Variants in TTC22 observed in about 807,000 individuals in gnomAD.
The protein encoded by TTC22 is tetratricopeptide repeat protein 22.
Under a neutral mutation model 48.2 loss-of-function variants are expected in TTC22, and 42 were observed. The observed-to-expected ratio is 0.87, with a 90% CI of 0.68 to 1.13. TTC22 has a LOEUF of 1.13. Among genes scored for constraint, TTC22 ranks in the 50% most tolerant of loss-of-function variants. TTC22 has a pLI of 0.00. For missense variants in TTC22, 784 were observed against 807.0 expected (o/e 0.97, Z 0.34); for synonymous variants, 345 against 365.5 (o/e 0.94, Z 0.64).
At chr1:54,787,530 G>A in intron 3 of TTC22, 181 bp downstream of exon 3, 1 of 615,914 alleles carries the variant, frequency 1.6e-6, no homozygotes, top group Non-Finnish European at 2.9e-6. Flanking sequence ...CTTGTAGTTG[G>A]CATGTTCACT....
At chr1:54,784,851 G>A (rs1646288264) in intron 5 of TTC22, 14 of 1,286,858 alleles carry the variant, frequency 1.1e-5, no homozygotes, top group Non-Finnish European at 1.4e-5. Context: ...GGCTCTAGGA[G>A]GCAGGTCTGG....
At chr1:54,788,725 TC>T (rs936379253) in intron 1 of TTC22, among the ~76,000 whole-genome samples, 25 of 152,152 alleles carry the variant, frequency 1.6e-4, no homozygotes, top group African/African-American at 6.0e-4. Context: ...CACATTCATC[TC>T]CCGTCCCTGA....
At chr1:54,786,646 A>G in intron 4 of TTC22, 1 of 306,078 alleles carries the variant, frequency 3.3e-6, no homozygotes, top group Non-Finnish European at 6.0e-6. Flanking sequence ...CCATCTTTCT[A>G]CTATGCCACT....
At position 54,782,435 on chromosome 1, in the gene TTC22, T is replaced by C. The variant is rs933227329; in HGVS notation, c.1063A>G (p.Met355Val). Residue 355 changes from methionine (M) to valine (V), a missense_variant, in exon 6 of 7, where the codon ATG becomes GTG. Met to Val is a conservative substitution (Grantham distance 21). Coordinates refer to ENST00000371276, the MANE Select transcript of TTC22 (RefSeq NM_001114108.2). Reference protein sequence around the residue: ...AYLHDLKRAKMGLGGMPDRNH... With the variant: ...AYLHDLKRAKVGLGGMPDRNH... ...CTGTCAGGCATGCCCCCGAGACCCA[T>C]CTTGGCCCGCTTGAGGTCATGCAGG... 26 of 1,551,166 alleles carry C rather than the reference T, an allele frequency of 1.7e-5. No homozygotes were observed. The highest frequency in any genetic ancestry group is 1.4e-4 in the Admixed American group (7 of 50,950).
In TTC22 at chr1:54,786,024, C is replaced by G. The variant is rs1183646903; in HGVS notation, c.979G>C (p.Asp327His). The G allele has an allele frequency of 1.2e-6, 2 of 1,614,068 alleles. No individual in the cohort carries two copies. The highest frequency in any genetic ancestry group is 1.7e-6 in the Non-Finnish European group (2 of 1,179,950). The change falls in exon 5 of 7, where the codon GAT (aspartate) becomes CAT (histidine). Residue 327 changes from aspartate to histidine, a missense_variant. Asp to His is a moderately conservative substitution (Grantham distance 81). Transcript: ENST00000371276. The part of the protein sequence containing the change: ...TCNMALDVLR[D>H]PELNWQAYCT... ...TACGCCTGCCAGTTGAGTTCTGGAT[C>G]TCGTAGGACATCCAGGGCCATGTTG...
intron 5 of TTC22, chr1:54,784,813 G>T: frequency 7.7e-7 from 1 of 1,299,890 alleles, no homozygotes; most frequent in Non-Finnish European, 1.0e-6. Flanking sequence ...CTCCGAGTCG[G>T]CTTCCTCAAG....
At position 54,801,058 on chromosome 1, in the gene TTC22, G is replaced by C. The variant is rs1646433702; in HGVS notation, c.106C>G (p.Arg36Gly). Residue 36 changes from arginine (R) to glycine (G), a missense_variant, in exon 1 of 7, where the codon CGC becomes GGC. Coordinates refer to ENST00000371276, the MANE Select transcript of TTC22 (RefSeq NM_001114108.2). The stretch of plus-strand genomic sequence containing the variant: ...CGGGCGCGCTGTGGGGCCGGCGAGC[G>C]CGGCTCGAAGTTCAACTGCATCTCC... The part of the protein sequence containing the change: ...HLEMQLNFEP[R>G]SPAPQRARDL... The C allele has an allele frequency of 2.5e-6, 4 of 1,612,368 alleles. No homozygotes were observed. The highest frequency in any genetic ancestry group is 3.4e-6 in the Non-Finnish European group (4 of 1,179,768).
In TTC22 at chr1:54,798,566, C is replaced by G. The variant is rs1408802218; in HGVS notation, c.567+2031G>C. ...TGTGATGAATGCCTGTGTCCTCAGC[C>G]AGTGGTAGACACGTCTCTGATTTGT... On this transcript the variant is annotated intron_variant, in intron 1 of 6. Transcript: ENST00000371276. Among the ~76,000 whole-genome samples, 3 of 152,220 alleles carry G rather than the reference C, an allele frequency of 2.0e-5. No individual in the cohort carries two copies. In the East Asian group the frequency reaches 5.8e-4, roughly 29 times the overall value.
At chr1:54,790,944 C>G (rs909054762) in intron 1 of TTC22, among the ~76,000 whole-genome samples, 7 of 152,212 alleles carry the variant, frequency 4.6e-5, no homozygotes, top group African/African-American at 1.7e-4. Flanking sequence ...CTCACTGCAA[C>G]ATCTGCCTCC....
At position 54,781,564 on chromosome 1, in the gene TTC22, G is replaced by A. The variant is rs1192654773; in HGVS notation, c.1389C>T (p.Asp463=). ...AGCCGTCGGTGTGGCTGGAGCCCGC[G>A]TCGTCCAGCTCCACTGCGCGCTTGA... The part of the protein sequence containing the change: ...ACFKRAVELD[D]AGSSHTDGFG... Residue 463 remains aspartate, a synonymous_variant, in exon 7 of 7, where the codon GAC becomes GAT. Transcript: ENST00000371276. The A allele has an allele frequency of 1.3e-6, 2 of 1,521,388 alleles. No homozygotes were observed. Among genetic ancestry groups the A allele is most frequent in the East Asian group, 2.5e-5 (1 of 39,302 alleles). The allele number at this position is 1,521,388 out of a possible 1,614,324, so 94.2% of individuals were successfully genotyped here. A position where few individuals can be genotyped will look rare whatever the true frequency, so the allele number is the denominator to read the frequency against.
intron 3 of TTC22, chr1:54,787,480 G>C (rs1233555867): frequency 1.0e-5 from 6 of 591,624 alleles, no homozygotes; most frequent in African/African-American, 9.3e-5. Flanking sequence ...TCACCCTCCA[G>C]GTCATGAGCT....
rs1247398441 is a variant in TTC22 at position 54,781,232 on chromosome 1, G to T, written c.*11C>A. 1.7e-5 allele frequency: 24 copies of T among 1,436,578 alleles called. No homozygotes were observed. The highest frequency in any genetic ancestry group is 2.1e-5 in the Non-Finnish European group (23 of 1,104,424). 89.0% of individuals were successfully genotyped at this position (1,436,578 alleles called of 1,614,324 possible). A position where few individuals can be genotyped will look rare whatever the true frequency, so the allele number is the denominator to read the frequency against. ...GGGTCCCAGGGAGCCTCCGGCCTGG[G>T]CACCTGAGCCCTAGAATGAGACAGC... On this transcript the variant is annotated 3_prime_UTR_variant, in exon 7 of 7. Transcript: ENST00000371276.
chr1:54,784,223 C>T (rs1008226929), intron 5 of TTC22, among the ~76,000 whole-genome samples: 2 of 152,088 alleles, frequency 1.3e-5, no homozygotes, highest in African/African-American at 4.8e-5. Context: ...GAGGCCAGGG[C>T]CACGCTTATG....
At chr1:54,785,603 G>A (rs1021056926) in intron 5 of TTC22, 3 of 444,428 alleles carry the variant, frequency 6.8e-6, no homozygotes, top group East Asian at 7.0e-5. Flanking sequence ...CTTGAGCCCA[G>A]GAGTTTGAGA....
At position 54,801,011 on chromosome 1, in the gene TTC22, C is replaced by G; in HGVS notation, c.153G>C (p.Glu51Asp). The change falls in exon 1 of 7, where the codon GAG becomes GAC. Residue 51 changes from glutamate (E) to aspartate (D), a missense_variant. Physicochemically the swap from Glu to Asp is conservative, Grantham distance 45 (BLOSUM62 2). Coordinates refer to ENST00000371276, the MANE Select transcript of TTC22 (RefSeq NM_001114108.2). Reference protein sequence around the residue: ...QRARDLKLQREGLRQELQLAA... With the variant: ...QRARDLKLQRDGLRQELQLAA... ...CCAGCTGGAGCTCCTGCCGCAGACC[C>G]TCCCGCTGCAGCTTCAGGTCCCGGG... 1.9e-6 allele frequency: 3 copies of G among 1,610,166 alleles called. No individual in the cohort carries two copies. Among genetic ancestry groups the G allele is most frequent in the Non-Finnish European group, 2.5e-6 (3 of 1,179,124 alleles).
upstream of TTC22, chr1:54,801,323 TG>T (rs1419217228): frequency 1.3e-5 from 9 of 697,036 alleles, no homozygotes; most frequent in East Asian, 2.3e-4. Context: ...CTCCCGCAGG[TG>T]GGTGGGCCCG....
chr1:54,788,350 C>T (rs899832999), intron 1 of TTC22, among the ~76,000 whole-genome samples: 8 of 152,042 alleles, frequency 5.3e-5, no homozygotes, highest in Non-Finnish European at 8.8e-5. Flanking sequence ...GCAGGTATGG[C>T]GAGCATTTCC....
At chr1:54,791,659 C>G (rs1646352719) in intron 1 of TTC22, among the ~76,000 whole-genome samples, 1 of 152,244 alleles carries the variant, frequency 6.6e-6, no homozygotes, top group East Asian at 1.9e-4. Context: ...CAACTATGCT[C>G]CCAGGACCTC....
chr1:54,782,951 A>G (rs963041733), intron 5 of TTC22, among the ~76,000 whole-genome samples: 9 of 152,316 alleles, frequency 5.9e-5, no homozygotes, highest in Middle Eastern at 3.4e-3. Flanking sequence ...GGATTATTTT[A>G]GGTAGGATGG....
Sources: gnomAD v4.1 joint callset for allele counts (sites outside exome capture counted in the v4.1 genomes callset) on GRCh38, gnomAD v4.1.1 for gene constraint, MANE v1.5 for transcripts, NCBI Gene and HGNC (gene_info 2026-07-23, HGNC 2026-07-21) for gene names.